The following NPSR1 variants were observed in gnomAD, a reference collection of about 807,000 sequenced individuals.
NPSR1 encodes the protein neuropeptide S receptor 1.
Under a neutral mutation model 46.9 loss-of-function variants are expected in NPSR1, and 48 were observed. The ratio of observed to expected loss-of-function variants is 1.02; its 90% CI spans 0.81 to 1.30. The LOEUF is 1.30. Among genes scored for constraint, NPSR1 ranks in the 50% most tolerant of loss-of-function variants. NPSR1 has a pLI of 0.00. For missense variants in NPSR1, 450 were observed against 449.5 expected (o/e 1.00, Z -0.01); for synonymous variants, 176 against 168.1 (o/e 1.05, Z -0.36).
chr7:34,731,345 G>A (rs1407896762), intron 2 of NPSR1, among the ~76,000 whole-genome samples: 1 of 152,020 alleles, frequency 6.6e-6, no homozygotes, highest in Non-Finnish European at 1.5e-5. Context: ...GTTTAATTTT[G>A]CCAAAAACTA....
chr7:34,698,303 TTTTC>T (rs1207037609), intron 2 of NPSR1, among the ~76,000 whole-genome samples: 7 of 152,104 alleles, frequency 4.6e-5, no homozygotes, highest in Non-Finnish European at 8.8e-5. Flanking sequence ...TTTTGTATAC[TTTTC>T]TTTATGTGTT....
rs1272626350 is a variant in NPSR1 at position 34,669,033 on chromosome 7, T to C, written c.147+10474T>C. On this transcript the variant is annotated intron_variant, in intron 1 of 8. Transcript: ENST00000360581. ...GCTCTGAGAAGATAAGTTCACATAA[T>C]AGTTAATAATCCAAAAACTTTTACC... 4.6e-5 allele frequency among the ~76,000 whole-genome samples: 7 copies of C among 152,298 alleles called. No individual in the cohort carries two copies. In the East Asian group the frequency reaches 1.4e-3, roughly 29 times the overall value.
At chr7:34,784,527 A>C (rs1183120484) in intron 3 of NPSR1, among the ~76,000 whole-genome samples, 1 of 152,124 alleles carries the variant, frequency 6.6e-6, no homozygotes, top group African/African-American at 2.4e-5. Flanking sequence ...CATGCCAGGG[A>C]TGAAGCCCAC....
chr7:34,812,527 G>A (rs1789036908), intron 4 of NPSR1, among the ~76,000 whole-genome samples: 1 of 152,110 alleles, frequency 6.6e-6, no homozygotes, highest in Non-Finnish European at 1.5e-5. Flanking sequence ...CGAGGCAACT[G>A]ACAAGGTGAT....
chr7:34,842,569 A>G (rs572259591), intron 6 of NPSR1, among the ~76,000 whole-genome samples: 1 of 152,314 alleles, frequency 6.6e-6, no homozygotes, highest in Admixed American at 6.5e-5. Flanking sequence ...AAATGTTCTG[A>G]AGCATTTGCT....
chr7:34,720,021 C>T (rs1490274315), intron 2 of NPSR1, among the ~76,000 whole-genome samples: 1 of 151,658 alleles, frequency 6.6e-6, no homozygotes, highest in African/African-American at 2.4e-5. Context: ...GTGGCGCACG[C>T]CTGTAATCCC....
intron 3 of NPSR1, among the ~76,000 whole-genome samples, chr7:34,810,124 A>G (rs898286845): frequency 6.6e-6 from 1 of 152,242 alleles, no homozygotes; most frequent in African/African-American, 2.4e-5. Flanking sequence ...CAGAGAAAGA[A>G]CAAAAAGGCA....
chr7:34,702,744 T>C (rs34727424), intron 2 of NPSR1, among the ~76,000 whole-genome samples: 4,358 of 152,324 alleles, frequency 0.029, 65 homozygotes, highest in African/African-American at 0.036. Flanking sequence ...ATTAAATTTG[T>C]ATGAGAATTC....
intron 2 of NPSR1, among the ~76,000 whole-genome samples, chr7:34,748,437 A>C (rs568919587): frequency 6.6e-6 from 1 of 152,296 alleles, no homozygotes; most frequent in Admixed American, 6.5e-5. Context: ...CCAGACAGAA[A>C]GCAGCCTCAG....
At chr7:34,838,194 A>G (rs1398817203) in intron 6 of NPSR1, among the ~76,000 whole-genome samples, 1 of 151,952 alleles carries the variant, frequency 6.6e-6, no homozygotes, top group Non-Finnish European at 1.5e-5. Flanking sequence ...CTGCTACTAC[A>G]TATGCCAGTC....
intron 5 of NPSR1, among the ~76,000 whole-genome samples, chr7:34,831,122 T>C (rs1402656673): frequency 6.6e-6 from 1 of 152,234 alleles, no homozygotes; most frequent in Non-Finnish European, 1.5e-5. Flanking sequence ...GCAGTTTGAC[T>C]GTATCTCATG....
intron 2 of NPSR1, among the ~76,000 whole-genome samples, chr7:34,775,171 T>C (rs111800755): frequency 3.3e-5 from 5 of 152,340 alleles, no homozygotes; most frequent in African/African-American, 1.2e-4. Flanking sequence ...CAATGTGATA[T>C]TCTACAGAAT....
chr7:34,658,266 C>T lies in NPSR1; in HGVS notation c.-147C>T. The T allele has an allele frequency of 2.6e-6, 2 of 772,168 alleles. No homozygotes were observed. Among genetic ancestry groups the T allele is most frequent in the Non-Finnish European group, 4.1e-6 (2 of 482,590 alleles). The allele number at this position is 772,168 out of a possible 1,614,324, so 47.8% of individuals were successfully genotyped here. On this transcript the variant is annotated 5_prime_UTR_variant, in exon 1 of 9. Transcript: ENST00000360581. ...CACGTAGATCCTCCCTGTCATCAGG[C>T]AGAGCTCTTCAGTGAGGTGGGCTCA...
At chr7:34,750,911 C>T in intron 2 of NPSR1, 1 of 732,690 alleles carries the variant, frequency 1.4e-6, no homozygotes, top group Non-Finnish European at 2.6e-6. Context: ...AAGGCACTTC[C>T]TCCACCCCCA....
At chr7:34,866,829 G>C (rs1212185458) in intron 8 of NPSR1, among the ~76,000 whole-genome samples, 2 of 151,742 alleles carry the variant, frequency 1.3e-5, no homozygotes, top group African/African-American at 4.9e-5. Context: ...AGAAAAAAAA[G>C]TTTCCTGCAG....
chr7:34,870,468 A>G (rs551652595), intron 8 of NPSR1, among the ~76,000 whole-genome samples: 193 of 151,804 alleles, frequency 1.3e-3, no homozygotes, highest in South Asian at 2.7e-3. Context: ...GGAAATGACC[A>G]TGGGATATTT....
chr7:34,701,807 AATG>A (rs1197716172), intron 2 of NPSR1, among the ~76,000 whole-genome samples: 1 of 152,220 alleles, frequency 6.6e-6, no homozygotes, highest in Admixed American at 6.5e-5. Context: ...TTTTTAATTA[AATG>A]ATGTTTTTTC....
intron 1 of NPSR1, among the ~76,000 whole-genome samples, chr7:34,662,297 A>G (rs1375154108): frequency 2.0e-5 from 3 of 152,186 alleles, no homozygotes; most frequent in Admixed American, 2.0e-4. Context: ...GATTTGACAC[A>G]GTTTGTTCCC....
intron 3 of NPSR1, among the ~76,000 whole-genome samples, chr7:34,779,229 C>G (rs1352221087): frequency 6.6e-6 from 1 of 151,744 alleles, no homozygotes; most frequent in Non-Finnish European, 1.5e-5. Flanking sequence ...TATATACATA[C>G]TTGTTAATAT....
Sources: allele counts gnomAD v4.1 joint callset (sites outside exome capture counted in the v4.1 genomes callset), GRCh38; gene constraint gnomAD v4.1.1; transcripts MANE v1.5; gene names NCBI Gene and HGNC (gene_info 2026-07-23, HGNC 2026-07-21).